EBF4: variants seen among roughly 807,000 people sequenced by gnomAD.
The protein encoded by EBF4 is transcription factor COE4.
Under a neutral mutation model 67.1 loss-of-function variants are expected in EBF4, and 34 were observed. That is an observed-to-expected ratio of 0.51 (90% CI 0.39 to 0.67). The LOEUF (loss-of-function observed/expected upper bound fraction) is 0.67. Among genes scored for constraint, EBF4 ranks in the 30% least tolerant of loss-of-function variants. The probability of loss-of-function intolerance (pLI) is 0.00; values close to 1 mark genes in which losing one functional copy is unlikely to be tolerated. For synonymous variants in EBF4, 387 were observed against 377.7 expected (o/e 1.02, Z -0.29); for missense variants, 837 against 873.3 (o/e 0.96, Z 0.52).
chr20:2,710,053 C>CT (rs2087520733), intron 6 of EBF4, among the ~76,000 whole-genome samples: 1 of 152,230 alleles, frequency 6.6e-6, no homozygotes, highest in Admixed American at 6.5e-5. Flanking sequence ...ACATTCGTTT[C>CT]TTTCACTGGA....
intron 6 of EBF4, among the ~76,000 whole-genome samples, chr20:2,713,654 A>T (rs551483199): frequency 1.8e-4 from 27 of 152,302 alleles, no homozygotes; most frequent in African/African-American, 6.0e-4. Flanking sequence ...AGTAGAAGGA[A>T]ACATGAGAGG....
intron 1 of EBF4, among the ~76,000 whole-genome samples, chr20:2,694,236 G>A (rs905490752): frequency 6.6e-6 from 1 of 152,224 alleles, no homozygotes; most frequent in African/African-American, 2.4e-5. Context: ...ACGCCCCTCA[G>A]AGTTGGCGGA....
downstream of EBF4, chr20:2,759,798 C>T (rs1390205301): frequency 6.6e-6 from 1 of 152,292 alleles, no homozygotes; most frequent in Non-Finnish European, 1.5e-5. Flanking sequence ...TGCTTGGCCC[C>T]GCAGCTGCCC....
At chr20:2,718,551 T>C (rs1390144903) in intron 6 of EBF4, among the ~76,000 whole-genome samples, 1 of 152,246 alleles carries the variant, frequency 6.6e-6, no homozygotes, top group Non-Finnish European at 1.5e-5. Context: ...TCTTATGAGC[T>C]GTTGAATCTG....
chr20:2,707,989 C>A lies in EBF4; in HGVS notation c.457C>A (p.Arg153=), dbSNP rs773031542. 1.9e-6 allele frequency: 3 copies of A among 1,609,192 alleles called. No homozygotes were observed. The highest frequency in any genetic ancestry group is 1.1e-5 in the South Asian group (1 of 90,246). Reference sequence around the variant, plus strand: ...GCAGGACAAGAACCCCGAAATGTGCCGAGTGCTGCTCACCCATGAGATCAT... The same window carrying A: ...GCAGGACAAGAACCCCGAAATGTGCAGAGTGCTGCTCACCCATGAGATCAT... Residue 153 remains arginine (R), a synonymous_variant, in exon 5 of 17, where the codon CGA becomes AGA. Transcript: ENST00000609451. This position sits in a 1 kb window ranked among gnomAD's most constrained non-coding sequence, Gnocchi z 4.6.
At chr20:2,736,391 C>T (rs2087877392) in intron 6 of EBF4, among the ~76,000 whole-genome samples, 1 of 152,200 alleles carries the variant, frequency 6.6e-6, no homozygotes, top group South Asian at 2.1e-4. Flanking sequence ...GACCCTAGAT[C>T]AGGCACATTA....
rs780748292 is a variant in EBF4 at position 2,749,766 on chromosome 20, C to T, written c.891+13C>T. On this transcript the variant is annotated intron_variant, in intron 9 of 16. Transcript: ENST00000609451. ...CGTGTGGAGCGAGGTGGGCCAACCC[C>T]GCCAGTCTCCCTCTGGGCCTAGGGG... The T allele has an allele frequency of 9.3e-6, 14 of 1,500,754 alleles. No homozygotes were observed. In the South Asian group the frequency reaches 1.8e-4, roughly 19 times the overall value. 93.0% of individuals were successfully genotyped at this position (1,500,754 alleles called of 1,614,324 possible).
intron 6 of EBF4, among the ~76,000 whole-genome samples, chr20:2,712,086 C>A (rs1281858817): frequency 1.3e-5 from 2 of 152,132 alleles, no homozygotes; most frequent in East Asian, 1.9e-4. Context: ...GAGGAAGGCA[C>A]GACCATGCAG....
rs2088076407 is a variant in EBF4 at position 2,747,988 on chromosome 20, T to C, written c.558-561T>C. On this transcript the variant is annotated intron_variant, in intron 6 of 16. Coordinates refer to ENST00000609451, the Ensembl canonical transcript of EBF4. The surrounding 1 kb of genome is among the most constrained non-coding windows in gnomAD (Gnocchi z 4.6). ...TAGTATCCAAGGCATAAACAGTGTC[T>C]ACAAAGAATGTGCTGTGTCTGAGGA... Among the ~76,000 whole-genome samples the C allele has an allele frequency of 6.6e-6, 1 of 152,136 alleles. No individual in the cohort carries two copies. The highest frequency in any genetic ancestry group is 1.5e-5 in the Non-Finnish European group (1 of 68,032).
intron 14 of EBF4, among the ~76,000 whole-genome samples, chr20:2,753,169 G>A (rs751785790): frequency 8.5e-5 from 13 of 152,224 alleles, no homozygotes; most frequent in Non-Finnish European, 1.8e-4. Context: ...CAGTCAAATA[G>A]GGTCAATTCC....
rs1276765545 is a variant in EBF4 at position 2,742,314 on chromosome 20, A to G, written c.558-6235A>G. Among the ~76,000 whole-genome samples, 3 of 152,352 alleles carry G rather than the reference A, an allele frequency of 2.0e-5. No individual in the cohort carries two copies. In the East Asian group the frequency reaches 5.8e-4, roughly 29 times the overall value. On this transcript the variant is annotated intron_variant, in intron 6 of 16. Transcript: ENST00000609451. ...CTGGGGGATTGAGCAAGATAATGCC[A>G]AAGTGACAAACTCAGCAGCGTTCTG...
At chr20:2,752,462 A>C in exon 14 of EBF4, 1 of 1,270,024 alleles carries the variant, frequency 7.9e-7, no homozygotes, top group Non-Finnish European at 9.9e-7. Context: ...CTGGGCGGCT[A>C]CGGCGCGCCG....
chr20:2,706,383 C>T, intron 4 of EBF4, 119 bp downstream of exon 4: 1 of 1,192,914 alleles, frequency 8.4e-7, no homozygotes, highest in South Asian at 1.4e-5. Flanking sequence ...CCGTCCCCAT[C>T]AGCCTAGCTC....
chr20:2,741,689 CT>C (rs1380555920), intron 6 of EBF4, among the ~76,000 whole-genome samples: 1 of 152,134 alleles, frequency 6.6e-6, no homozygotes, highest in Non-Finnish European at 1.5e-5. Context: ...CTACTCTGAG[CT>C]TTCCTTTAAG....
chr20:2,720,647 C>CA (rs1172858933), intron 6 of EBF4, among the ~76,000 whole-genome samples: 2 of 152,042 alleles, frequency 1.3e-5, no homozygotes, highest in African/African-American at 4.8e-5. Flanking sequence ...TTATAAAATC[C>CA]AAAATACATT....
exon 17 of EBF4, chr20:2,759,273 C>T: frequency 2.1e-6 from 1 of 472,562 alleles, no homozygotes; most frequent in Non-Finnish European, 3.9e-6. Context: ...ACCAGGTCTG[C>T]AGCTGTTCCC....
chr20:2,729,300 A>T (rs2087783954), intron 6 of EBF4, among the ~76,000 whole-genome samples: 1 of 152,186 alleles, frequency 6.6e-6, no homozygotes, highest in South Asian at 2.1e-4. Flanking sequence ...CTGATGAAAA[A>T]CAGGCATGGT....
chr20:2,752,217 C>G, exon 13 of EBF4: 1 of 1,377,194 alleles, frequency 7.3e-7, no homozygotes, highest in Non-Finnish European at 9.4e-7. Flanking sequence ...CCTTCAGCAG[C>G]CCGCTGGCCA....
rs116926335 is a variant in EBF4, at chr20:2,695,093, C to T, written c.137+1311C>T. Reference sequence around the variant, plus strand: ...TTCCTGTGCTATGCTTACAATTCCACCTCCTGCCTATTCTTCTGTTGGTTC... The same window carrying T: ...TTCCTGTGCTATGCTTACAATTCCATCTCCTGCCTATTCTTCTGTTGGTTC... On this transcript the variant is annotated intron_variant, in intron 1 of 16. Transcript: ENST00000609451. Among the ~76,000 whole-genome samples the T allele has an allele frequency of 2.9e-3, 445 of 151,608 alleles. 6 individuals are homozygous for T. Among genetic ancestry groups the T allele is most frequent in the Admixed American group, 0.019 (284 of 15,240 alleles).
Sources: gnomAD v4.1 joint callset for allele counts (sites outside exome capture counted in the v4.1 genomes callset) on GRCh38, gnomAD v4.1.1 for gene constraint, Gnocchi (gnomAD v3.1) non-coding constraint, MANE v1.5 for transcripts, NCBI Gene and HGNC (gene_info 2026-07-23, HGNC 2026-07-21) for gene names.